The following KIF6 variants were observed in gnomAD, a reference collection of about 807,000 sequenced individuals.
KIF6 encodes the protein kinesin-like protein KIF6.
KIF6 carries 106 observed loss-of-function variants against 112.7 expected under a neutral mutation model. The ratio of observed to expected loss-of-function variants is 0.94; its 90% CI spans 0.80 to 1.11. KIF6 has a LOEUF of 1.11. Ranked by LOEUF, KIF6 falls within the 50% of genes least tolerant of loss-of-function variation. The probability of loss-of-function intolerance (pLI) is 0.00; values close to 1 mark genes in which losing one functional copy is unlikely to be tolerated. For synonymous variants in KIF6, 339 were observed against 339.9 expected, an observed-to-expected ratio of 1.00 and a Z score of 0.03; for missense variants, 929 against 964.0, an observed-to-expected ratio of 0.96 and a Z score of 0.48.
intron 13 of KIF6, among the ~76,000 whole-genome samples, chr6:39,446,785 T>A (rs942237347): frequency 7.9e-5 from 12 of 152,206 alleles, no homozygotes; most frequent in Admixed American, 2.0e-4. Context: ...CCACTGAGCC[T>A]GGCCAAAATT....
intron 16 of KIF6, among the ~76,000 whole-genome samples, chr6:39,376,026 C>G (rs1339014360): frequency 6.6e-6 from 1 of 152,182 alleles, no homozygotes; most frequent in Admixed American, 6.5e-5. Context: ...CACTCCCAGC[C>G]TCTCCCTTGA....
At chr6:39,405,922 C>G (rs1176326680) in intron 15 of KIF6, among the ~76,000 whole-genome samples, 1 of 152,156 alleles carries the variant, frequency 6.6e-6, no homozygotes, top group East Asian at 1.9e-4. Context: ...TAGTTTGTGA[C>G]TTTCAAGGAA....
chr6:39,648,813 A>T (rs2150785820), intron 3 of KIF6, among the ~76,000 whole-genome samples: 1 of 152,130 alleles, frequency 6.6e-6, no homozygotes, highest in East Asian at 1.9e-4. Context: ...GGTGTACAAT[A>T]TAGAAGTCCT....
chr6:39,665,861 TG>T (rs1465263363), intron 3 of KIF6, among the ~76,000 whole-genome samples: 1 of 152,226 alleles, frequency 6.6e-6, no homozygotes, highest in African/African-American at 2.4e-5. Context: ...TTTTCTGTGC[TG>T]TGCTTCTTTG....
chr6:39,643,014 C>T (rs1175529081), intron 3 of KIF6, among the ~76,000 whole-genome samples: 2 of 152,144 alleles, frequency 1.3e-5, no homozygotes, highest in Non-Finnish European at 2.9e-5. Context: ...CCTAAATTTA[C>T]TGGCTAGTTT....
chr6:39,434,570 C>CAAAACAAAACAAAACAAA (rs1771394722), intron 13 of KIF6, among the ~76,000 whole-genome samples: 1 of 135,360 alleles, frequency 7.4e-6, no homozygotes, highest in Non-Finnish European at 1.6e-5. Flanking sequence ...GACTCCATCT[C>CAAAACAAAACAAAACAAA]AAAACAAAAC....
At chr6:39,454,303 G>C (rs1581891886) in intron 13 of KIF6, among the ~76,000 whole-genome samples, 1 of 152,186 alleles carries the variant, frequency 6.6e-6, no homozygotes, top group African/African-American at 2.4e-5. Flanking sequence ...AAGAGAGATT[G>C]AGATGTGAAA....
chr6:39,472,745 A>AC (rs1774192814), intron 13 of KIF6, among the ~76,000 whole-genome samples: 1 of 152,226 alleles, frequency 6.6e-6, no homozygotes, highest in Non-Finnish European at 1.5e-5. Flanking sequence ...AGCCCTGGCC[A>AC]AGTAGGCCAG....
At position 39,586,324 on chromosome 6, in the gene KIF6, A is replaced by G; in HGVS notation, c.927T>C (p.Ser309=). 6.2e-7 allele frequency: 1 copy of G among 1,613,992 alleles called. No individual in the cohort carries two copies. The highest frequency in any genetic ancestry group is 1.3e-5 in the African/African-American group (1 of 75,010). ...TAGTTGTCATGCAGTTCCCTCCCAA[A>G]CTGTCTCTTAGGACACTGGTCATCA... The part of the protein sequence containing the change: ...NSMMTSVLRD[S]LGGNCMTTMI... The change falls in exon 8 of 23, where the codon AGT becomes AGC. Residue 309 remains serine (S), a synonymous_variant. Transcript: ENST00000287152.
At chr6:39,502,382 AC>A (rs1477145364) in intron 13 of KIF6, among the ~76,000 whole-genome samples, 4 of 151,650 alleles carry the variant, frequency 2.6e-5, no homozygotes, top group South Asian at 2.1e-4. Flanking sequence ...ACTAAAAAAA[AC>A]ACACACACAC....
chr6:39,408,729 G>T (rs969821884), intron 15 of KIF6, among the ~76,000 whole-genome samples: 1 of 152,128 alleles, frequency 6.6e-6, no homozygotes, highest in Admixed American at 6.5e-5. Context: ...TGGGGCAGGG[G>T]CATGATTGGT....
rs1254747540 is a variant in KIF6 at position 39,330,780 on chromosome 6, C to A, written c.*5752G>T. On this transcript the variant is annotated 3_prime_UTR_variant, in exon 23 of 23. Coordinates refer to ENST00000287152, the MANE Select transcript of KIF6 (RefSeq NM_145027.6). ...TATTCCTTGGGAGATGCATTCAGGG[C>A]TACACTCAGAGGCCACTTTTCGCAA... The A allele has an allele frequency of 6.6e-6, 1 of 152,230 alleles. No homozygotes were observed. The highest frequency in any genetic ancestry group is 2.4e-5 in the African/African-American group (1 of 41,460). 9.4% of individuals were successfully genotyped at this position (152,230 alleles called of 1,614,324 possible).
chr6:39,687,699 T>C (rs1787954720), intron 3 of KIF6, among the ~76,000 whole-genome samples: 2 of 152,344 alleles, frequency 1.3e-5, no homozygotes, highest in Non-Finnish European at 2.9e-5. Context: ...TTATACATAT[T>C]ATCATACTTA....
In KIF6 at chr6:39,339,559, G is replaced by A. The variant is rs564905321; in HGVS notation, c.2429-3011C>T. ...TGGAGAAGACAGACTTGTGGTTATG[G>A]GGGTCGCACCATGGTTCCTTTCCAG... On this transcript the variant is annotated intron_variant, in intron 22 of 22. Transcript: ENST00000287152. Among the ~76,000 whole-genome samples the A allele has an allele frequency of 1.9e-4, 29 of 152,230 alleles. 1 individual carries two copies. The South Asian group carries it at 5.8e-3, about 30-fold the overall frequency.
chr6:39,664,363 G>GA, intron 3 of KIF6, among the ~76,000 whole-genome samples: 1 of 152,132 alleles, frequency 6.6e-6, no homozygotes, highest in Non-Finnish European at 1.5e-5. Context: ...TTCTGAGACT[G>GA]AAAACTATTA....
intron 3 of KIF6, among the ~76,000 whole-genome samples, chr6:39,663,309 A>G (rs1786271786): frequency 1.3e-5 from 2 of 152,232 alleles, no homozygotes; most frequent in Non-Finnish European, 2.9e-5. Flanking sequence ...TGTGGAAAAT[A>G]AGAACTATAA....
intron 10 of KIF6, among the ~76,000 whole-genome samples, chr6:39,552,918 C>T (rs1779467488): frequency 6.6e-6 from 1 of 152,104 alleles, no homozygotes; most frequent in Non-Finnish European, 1.5e-5. Context: ...CATAACTACA[C>T]AATCCACCAA....
chr6:39,472,475 A>G (rs531882358), intron 13 of KIF6, among the ~76,000 whole-genome samples: 1 of 152,322 alleles, frequency 6.6e-6, no homozygotes, highest in African/African-American at 2.4e-5. Flanking sequence ...GCATAGCCAC[A>G]TGCTCTAAAC....
chr6:39,389,244 A>T (rs772619214), intron 15 of KIF6, among the ~76,000 whole-genome samples: 4 of 152,156 alleles, frequency 2.6e-5, no homozygotes, highest in Non-Finnish European at 1.5e-5. Flanking sequence ...ACCATTTTCC[A>T]TAAGCTTCAC....
Sources: allele counts gnomAD v4.1 joint callset (sites outside exome capture counted in the v4.1 genomes callset), GRCh38; gene constraint gnomAD v4.1.1; transcripts MANE v1.5; gene names NCBI Gene and HGNC (gene_info 2026-07-23, HGNC 2026-07-21).